The following NELL1 variants were observed in gnomAD, a reference collection of about 807,000 sequenced individuals.
NELL1 encodes neural EGFL like 1, also known as protein kinase C-binding protein NELL1.
In NELL1, 76 loss-of-function variants were observed where a neutral mutation model predicts 107.4. The observed-to-expected ratio is 0.71, with a 90% CI of 0.59 to 0.86. The LOEUF is 0.86. NELL1 is among the 40% of genes least tolerant of loss of function. The pLI is 0.00. For synonymous variants in NELL1, 353 were observed against 341.2 expected, an observed-to-expected ratio of 1.03 and a Z score of -0.38; for missense variants, 1,024 against 1,005.5, an observed-to-expected ratio of 1.02 and a Z score of -0.25.
chr11:20,680,579 G>T (rs1215181721), intron 2 of NELL1, among the ~76,000 whole-genome samples: 1 of 152,062 alleles, frequency 6.6e-6, no homozygotes, highest in Non-Finnish European at 1.5e-5. Context: ...AGATATTTCT[G>T]TTCCAAAGGA....
chr11:21,490,458 CAAAAA>C lies in NELL1; in HGVS notation c.1646-43901_1646-43897del, dbSNP rs66826369. 2.2e-4 allele frequency among the ~76,000 whole-genome samples: 24 copies of C among 109,944 alleles called. No homozygotes were observed. The East Asian group carries it at 2.5e-3, about 12-fold the overall frequency. 72.1% of individuals were successfully genotyped at this position (109,944 alleles called of 152,430 possible). A position where few individuals can be genotyped will look rare whatever the true frequency, so the allele number is the denominator to read the frequency against. On this transcript the variant is annotated intron_variant, in intron 15 of 19. Coordinates refer to ENST00000357134, the MANE Select transcript of NELL1 (RefSeq NM_006157.5). ...ATCAATTCTAAAATGTGTATGGAACCAAAAAAAAAAAAAAAAAAAGCCAGAATAGC... is the reference window on the plus strand; with the variant it reads ...ATCAATTCTAAAATGTGTATGGAACCAAAAAAAAAAAAAAGCCAGAATAGC...
intron 14 of NELL1, among the ~76,000 whole-genome samples, chr11:21,353,920 G>A (rs1850872031): frequency 6.6e-6 from 1 of 152,112 alleles, no homozygotes; most frequent in African/African-American, 2.4e-5. Flanking sequence ...TCACATCAGT[G>A]TATTTTTCCC....
At chr11:20,705,042 G>C (rs1200603944) in intron 2 of NELL1, among the ~76,000 whole-genome samples, 1 of 152,146 alleles carries the variant, frequency 6.6e-6, no homozygotes, top group African/African-American at 2.4e-5. Context: ...AACATTCCAT[G>C]CTCACGGGTA....
intron 14 of NELL1, among the ~76,000 whole-genome samples, chr11:21,255,942 C>T (rs1048957653): frequency 2.6e-5 from 4 of 151,944 alleles, no homozygotes; most frequent in Non-Finnish European, 4.4e-5. Context: ...ATTCCTTTAG[C>T]GCTCAAACAT....
intron 2 of NELL1, among the ~76,000 whole-genome samples, chr11:20,718,718 G>T (rs5004854): frequency 6.6e-5 from 10 of 152,006 alleles, no homozygotes; most frequent in African/African-American, 1.9e-4. Flanking sequence ...TGTAATCTTC[G>T]TTAGTCTGGA....
chr11:21,371,714 G>A (rs1851361534), intron 15 of NELL1, among the ~76,000 whole-genome samples: 1 of 151,998 alleles, frequency 6.6e-6, no homozygotes, highest in African/African-American at 2.4e-5. Context: ...TTGTGTTTTT[G>A]TTCTGGCTCT....
intron 12 of NELL1, among the ~76,000 whole-genome samples, chr11:21,004,992 T>C (rs896967664): frequency 1.3e-5 from 2 of 152,192 alleles, no homozygotes; most frequent in African/African-American, 4.8e-5. Flanking sequence ...TTAATTAGGA[T>C]AACATCCATC....
chr11:20,924,097 C>T (rs1850438700), intron 7 of NELL1, among the ~76,000 whole-genome samples: 1 of 152,194 alleles, frequency 6.6e-6, no homozygotes. Context: ...TATTTCGAAT[C>T]TGCAGACAAT....
intron 15 of NELL1, among the ~76,000 whole-genome samples, chr11:21,487,666 C>A (rs1458070933): frequency 6.6e-6 from 1 of 151,808 alleles, no homozygotes; most frequent in Non-Finnish European, 1.5e-5. Context: ...ATGACAAAAA[C>A]CCTGACAGAT....
chr11:20,906,069 T>C (rs1381681192), intron 5 of NELL1, among the ~76,000 whole-genome samples: 4 of 152,128 alleles, frequency 2.6e-5, no homozygotes, highest in Non-Finnish European at 4.4e-5. Flanking sequence ...CAAGGACTTC[T>C]TCATGAGATT....
At chr11:21,487,995 A>G (rs1854684245) in intron 15 of NELL1, among the ~76,000 whole-genome samples, 2 of 152,188 alleles carry the variant, frequency 1.3e-5, no homozygotes, top group South Asian at 4.1e-4. Context: ...AATTCTAAAT[A>G]TATATACATA....
chr11:21,274,873 C>A (rs887524386), intron 14 of NELL1, among the ~76,000 whole-genome samples: 1 of 152,086 alleles, frequency 6.6e-6, no homozygotes, highest in Non-Finnish European at 1.5e-5. Context: ...CACAACATAC[C>A]AGAATCTCTG....
intron 12 of NELL1, among the ~76,000 whole-genome samples, chr11:21,049,024 C>T (rs943245062): frequency 2.0e-5 from 3 of 152,164 alleles, no homozygotes; most frequent in Non-Finnish European, 4.4e-5. Flanking sequence ...AGTTGAACTG[C>T]CATGCAGTCA....
chr11:21,331,390 G>A (rs1437741352), intron 14 of NELL1, among the ~76,000 whole-genome samples: 1 of 151,662 alleles, frequency 6.6e-6, no homozygotes. Flanking sequence ...ATGCTTATTT[G>A]TTTAGTGACT....
intron 12 of NELL1, among the ~76,000 whole-genome samples, chr11:21,101,507 C>G (rs1259959842): frequency 6.6e-6 from 1 of 152,102 alleles, no homozygotes; most frequent in Non-Finnish European, 1.5e-5. Context: ...CCTGTTGTTT[C>G]CTGACTTTTT....
chr11:21,185,397 C>G (rs928772716), intron 13 of NELL1, among the ~76,000 whole-genome samples: 2 of 147,984 alleles, frequency 1.4e-5, no homozygotes, highest in Non-Finnish European at 3.0e-5. Flanking sequence ...CAGGTTGAAG[C>G]GATTCTCCTG....
At chr11:21,426,187 T>C (rs1564888190) in intron 15 of NELL1, among the ~76,000 whole-genome samples, 1 of 152,194 alleles carries the variant, frequency 6.6e-6, no homozygotes, top group Non-Finnish European at 1.5e-5. Context: ...TGACACATAT[T>C]AATGTTAAAT....
intron 13 of NELL1, among the ~76,000 whole-genome samples, chr11:21,168,600 A>G (rs779566365): frequency 6.6e-6 from 1 of 151,766 alleles, no homozygotes; most frequent in Non-Finnish European, 1.5e-5. Flanking sequence ...GTGTTCAGTG[A>G]TACACACAAT....
At chr11:21,501,810 A>T (rs964677800) in intron 15 of NELL1, among the ~76,000 whole-genome samples, 1 of 152,126 alleles carries the variant, frequency 6.6e-6, no homozygotes, top group Admixed American at 6.6e-5. Context: ...CATTATTTCT[A>T]AAAAAGTATC....
Sources: gnomAD v4.1 joint callset for allele counts (sites outside exome capture counted in the v4.1 genomes callset) on GRCh38, gnomAD v4.1.1 for gene constraint, MANE v1.5 for transcripts, NCBI Gene and HGNC (gene_info 2026-07-23, HGNC 2026-07-21) for gene names.